Variants in RNF19A observed in about 807,000 individuals in gnomAD.
RNF19A encodes ring finger protein 19A, RBR E3 ubiquitin protein ligase, also known as E3 ubiquitin-protein ligase RNF19A.
RNF19A carries 32 observed loss-of-function variants against 75.7 expected under a neutral mutation model. The observed-to-expected ratio is 0.42, with a 90% CI of 0.32 to 0.57. The LOEUF is 0.57. RNF19A is among the 20% of genes least tolerant of loss of function. The pLI, the probability that RNF19A is intolerant of heterozygous loss-of-function variation, is 0.10. For synonymous variants in RNF19A, 335 were observed against 345.2 expected, an observed-to-expected ratio of 0.97 and a Z score of 0.33; for missense variants, 782 against 1,036.3, an observed-to-expected ratio of 0.75 and a Z score of 3.37.
At chr8:100,294,266 T>C (rs1324304935) in intron 1 of RNF19A, among the ~76,000 whole-genome samples, 1 of 152,220 alleles carries the variant, frequency 6.6e-6, no homozygotes, top group Non-Finnish European at 1.5e-5. Context: ...GCTAGTCAAC[T>C]TGAACTTCTG....
In RNF19A at chr8:100,284,694, A is replaced by G. The variant is rs538717281; in HGVS notation, c.674+2807T>C. ...TACTGAGCCATTTTACTTTTTAACAATGAAGTCTCAATGAGAAGAAAATGT... is the reference window on the plus strand; with the variant it reads ...TACTGAGCCATTTTACTTTTTAACAGTGAAGTCTCAATGAGAAGAAAATGT... On this transcript the variant is annotated intron_variant, in intron 2 of 9. Transcript: ENST00000341084. The surrounding 1 kb of genome is among the most constrained non-coding windows in gnomAD (Gnocchi z 4.3). Among the ~76,000 whole-genome samples, 1 of 152,236 alleles carries G rather than the reference A, an allele frequency of 6.6e-6. No individual in the cohort carries two copies. Among genetic ancestry groups the G allele is most frequent in the South Asian group, 2.1e-4 (1 of 4,828 alleles).
upstream of RNF19A, chr8:100,310,028 G>A (rs1226474665): frequency 1.5e-5 from 15 of 985,216 alleles, no homozygotes; most frequent in African/African-American, 1.7e-5. Context: ...AGTCCCGACG[G>A]CCGCTTTCCC....
At chr8:100,312,585 C>G (rs1822316176), upstream of RNF19A, among the ~76,000 whole-genome samples, 1 of 152,000 alleles carries the variant, frequency 6.6e-6, no homozygotes, top group Non-Finnish European at 1.5e-5. Context: ...GAGTGAGACC[C>G]TGTCTCAAGA....
chr8:100,320,471 A>G (rs1171947531), intron 1 of RNF19A, among the ~76,000 whole-genome samples: 3 of 152,218 alleles, frequency 2.0e-5, no homozygotes, highest in African/African-American at 7.2e-5. Context: ...AAACCTTTTA[A>G]AAGTTGAAAA....
chr8:100,289,462 A>G (rs1821186742), intron 1 of RNF19A, among the ~76,000 whole-genome samples: 1 of 152,246 alleles, frequency 6.6e-6, no homozygotes, highest in Admixed American at 6.5e-5. Context: ...AAGAATGCTT[A>G]CAAATCAATA....
chr8:100,261,639 G>C lies in RNF19A; in HGVS notation c.1585C>G (p.Arg529Gly). ...CTGGCCGTTTCACTCAGGTTGTCTC[G>C]GATGGCTCCTATTCGATCCATGTGG... ...GSHMDRIGAI[R>G]DNLSETASTM... is the part of the protein sequence containing the mutation. Residue 529 changes from arginine to glycine, a missense_variant, in exon 8 of 10, where the codon CGA becomes GGA. By Grantham distance (125) the Arg-to-Gly change is moderately radical. This residue lies in a region of RNF19A where 442 missense variants were observed against 541.6 expected (regional missense o/e 0.82). Transcript: ENST00000341084. This position sits in a 1 kb window ranked among gnomAD's most constrained non-coding sequence, Gnocchi z 4.4. 1 of 1,614,042 alleles carries C rather than the reference G, an allele frequency of 6.2e-7. No homozygotes were observed.
rs751275427 is a variant in RNF19A at position 100,288,095 on chromosome 8, G to A, written c.80C>T (p.Thr27Ile). The part of the protein sequence containing the change: ...CVNTDPVSIL[T>I]SILDMSLHRQ... Reference sequence around the variant, plus strand: ...ATGTAAACTCATGTCTAAAATGCTTGTTAGAATTGAGACAGGGTCAGTGTT... The same window carrying A: ...ATGTAAACTCATGTCTAAAATGCTTATTAGAATTGAGACAGGGTCAGTGTT... Residue 27 changes from threonine to isoleucine, a missense_variant, in exon 2 of 10, where the codon ACA (threonine) becomes ATA (isoleucine). Thr to Ile is a moderately conservative substitution (Grantham distance 89). Transcript: ENST00000341084. 1 of 1,613,920 alleles carries A rather than the reference G, an allele frequency of 6.2e-7. No homozygotes were observed. Among genetic ancestry groups the A allele is most frequent in the African/African-American group, 1.3e-5 (1 of 74,902 alleles).
intron 5 of RNF19A, among the ~76,000 whole-genome samples, chr8:100,267,569 T>G (rs964224699): frequency 6.6e-6 from 1 of 152,040 alleles, no homozygotes; most frequent in African/African-American, 2.4e-5. Flanking sequence ...GGGGTCTCAC[T>G]ATGTTGTCCA....
At chr8:100,335,015 C>G (rs1374822340) in intron 1 of RNF19A, among the ~76,000 whole-genome samples, 5 of 152,172 alleles carry the variant, frequency 3.3e-5, no homozygotes, top group Non-Finnish European at 7.3e-5. Context: ...GTTAAGCAAT[C>G]TGATTGAAGC....
rs1057096102 is a variant in RNF19A, at chr8:100,317,770, G to C, written c.-242-4398C>G. On this transcript the variant is annotated intron_variant, in intron 1 of 3. Transcript: ENST00000519527. The surrounding 1 kb of genome is among the most constrained non-coding windows in gnomAD (Gnocchi z 4.3). ...ATGCACTGGGGCAGGATGTCAGCAGGTGATGAGCAATGACTTAGAGTGACC... is the reference window on the plus strand; with the variant it reads ...ATGCACTGGGGCAGGATGTCAGCAGCTGATGAGCAATGACTTAGAGTGACC... Among the ~76,000 whole-genome samples, 3 of 152,228 alleles carry C rather than the reference G, an allele frequency of 2.0e-5. No individual in the cohort carries two copies. Among genetic ancestry groups the C allele is most frequent in the African/African-American group, 7.2e-5 (3 of 41,456 alleles).
rs559131130 is a variant in RNF19A at position 100,316,154 on chromosome 8, C to T, written c.-242-2782G>A. Among the ~76,000 whole-genome samples, 18 of 152,154 alleles carry T rather than the reference C, an allele frequency of 1.2e-4. 2 individuals are homozygous for T. In the South Asian group the frequency reaches 3.1e-3, roughly 26 times the overall value. On this transcript the variant is annotated intron_variant, in intron 1 of 3. Coordinates refer to the RNF19A transcript ENST00000519527. ...CTGCAGACCTTCGCGGTGAGTGTTA[C>T]AGCTCTTAAGACGGCGTGTCTGGAG...
chr8:100,318,949 A>G (rs868370879), intron 1 of RNF19A, among the ~76,000 whole-genome samples: 1 of 152,252 alleles, frequency 6.6e-6, no homozygotes, highest in Non-Finnish European at 1.5e-5. Flanking sequence ...CACATGGCCC[A>G]GAGCAATCCC....
intron 2 of RNF19A, among the ~76,000 whole-genome samples, chr8:100,276,470 G>C (rs1820518388): frequency 6.6e-6 from 1 of 151,948 alleles, no homozygotes; most frequent in African/African-American, 2.4e-5. Flanking sequence ...GAGCAACACA[G>C]GCCAGGCATG....
At chr8:100,290,849 T>C (rs1356318262) in intron 1 of RNF19A, among the ~76,000 whole-genome samples, 1 of 152,204 alleles carries the variant, frequency 6.6e-6, no homozygotes, top group Non-Finnish European at 1.5e-5. Context: ...TAGTGAATAC[T>C]GGAGGCATTT....
chr8:100,291,967 CTTTTT>C lies in RNF19A; in HGVS notation c.-93-3705_-93-3701del, dbSNP rs56737985. Among the ~76,000 whole-genome samples, 82 of 99,992 alleles carry C rather than the reference CTTTTT, an allele frequency of 8.2e-4. 2 individuals are homozygous for C. Among genetic ancestry groups the C allele is most frequent in the African/African-American group, 8.6e-4 (23 of 26,714 alleles). 65.6% of individuals were successfully genotyped at this position (99,992 alleles called of 152,430 possible). ...CTGTTGAACAGAAAGAGGACTAAGTCTTTTTTTTTTTTTTTTTTTTTTCAAGTAAA... is the reference window on the plus strand; with the variant it reads ...CTGTTGAACAGAAAGAGGACTAAGTCTTTTTTTTTTTTTTTTTCAAGTAAA... On this transcript the variant is annotated intron_variant, in intron 1 of 9. Transcript: ENST00000341084.
Position 100,275,560 on chromosome 8 carries a change from A to T in RNF19A, c.675-399T>A, listed in dbSNP as rs1164896243. On this transcript the variant is annotated intron_variant, in intron 2 of 9. Transcript: ENST00000341084. The surrounding 1 kb of genome is among the most constrained non-coding windows in gnomAD (Gnocchi z 4.3). ...TTTCAACTCTCGCCCCTCTCCCTCAACTTTTAAGTAGGATACCAAATTGCA... is the reference window on the plus strand; with the variant it reads ...TTTCAACTCTCGCCCCTCTCCCTCATCTTTTAAGTAGGATACCAAATTGCA... Among the ~76,000 whole-genome samples, 5 of 152,044 alleles carry T rather than the reference A, an allele frequency of 3.3e-5. No homozygotes were observed. Among genetic ancestry groups the T allele is most frequent in the African/African-American group, 9.7e-5 (4 of 41,378 alleles).
At chr8:100,268,682 CTAA>C (rs1474231979) in intron 5 of RNF19A, 100 bp downstream of exon 5, 6 of 445,070 alleles carry the variant, frequency 1.3e-5, no homozygotes, top group Non-Finnish European at 1.3e-5. Flanking sequence ...TACCCTTTGT[CTAA>C]AAAAAAAAAA....
rs200579114 is a variant in RNF19A, at chr8:100,274,975, A to G, written c.861T>C (p.Tyr287=). The G allele has an allele frequency of 4.8e-5, 78 of 1,613,858 alleles. No homozygotes were observed. The highest frequency in any genetic ancestry group is 6.1e-5 in the Non-Finnish European group (72 of 1,179,882). ...TACCTGCTGCTCCAGACTCTTGACTATAACTAATGGATGAAGAACGTATAG... is the reference window on the plus strand; with the variant it reads ...TACCTGCTGCTCCAGACTCTTGACTGTAACTAATGGATGAAGAACGTATAG... The part of the protein sequence containing the change: ...LRTIRSSSIS[Y]SQESGAAADD... Residue 287 remains tyrosine, a synonymous_variant, in exon 3 of 10, where the codon TAT becomes TAC. Transcript: ENST00000341084.
intron 1 of RNF19A, among the ~76,000 whole-genome samples, chr8:100,304,720 G>T (rs1392004181): frequency 6.6e-6 from 1 of 152,144 alleles, no homozygotes; most frequent in East Asian, 1.9e-4. Context: ...ATCTTGTATT[G>T]ATTTATTGTT....
Sources: allele counts gnomAD v4.1 joint callset (sites outside exome capture counted in the v4.1 genomes callset), GRCh38; gene constraint gnomAD v4.1.1; regional missense constraint gnomAD v4.1.1; non-coding constraint Gnocchi (gnomAD v3.1); transcripts MANE v1.5; gene names NCBI Gene and HGNC (gene_info 2026-07-23, HGNC 2026-07-21).